The following IQSEC1 variants were observed in gnomAD, a reference collection of about 807,000 sequenced individuals.
IQSEC1 encodes IQ motif and Sec7 domain ArfGEF 1, also known as IQ motif and SEC7 domain-containing protein 1.
Under a neutral mutation model 91.0 loss-of-function variants are expected in IQSEC1, and 31 were observed. The observed-to-expected ratio is 0.34, with a 90% CI of 0.26 to 0.46. The LOEUF (loss-of-function observed/expected upper bound fraction) is 0.46. IQSEC1 is among the 20% of genes least tolerant of loss of function. IQSEC1 has a pLI of 1.00. For missense variants in IQSEC1, 1,388 were observed against 1,575.6 expected (o/e 0.88, Z 2.02); for synonymous variants, 699 against 662.6 (o/e 1.05, Z -0.84).
intron 9 of IQSEC1, among the ~76,000 whole-genome samples, chr3:12,912,884 T>A (rs1358178842): frequency 6.6e-6 from 1 of 152,200 alleles, no homozygotes; most frequent in Non-Finnish European, 1.5e-5. Context: ...TTTCCTTCAG[T>A]CCATAGGTCT....
At chr3:12,953,796 T>C (rs1699722683) in intron 1 of IQSEC1, among the ~76,000 whole-genome samples, 3 of 152,232 alleles carry the variant, frequency 2.0e-5, no homozygotes, top group Admixed American at 6.5e-5. Context: ...AGTAACATTA[T>C]GGGCTAGAGT....
At chr3:12,920,129 A>G (rs1032860973) in intron 6 of IQSEC1, among the ~76,000 whole-genome samples, 1 of 152,264 alleles carries the variant, frequency 6.6e-6, no homozygotes, top group Non-Finnish European at 1.5e-5. Flanking sequence ...ACACAAAGAA[A>G]AAGGCCAGTT....
intron 2 of IQSEC1, among the ~76,000 whole-genome samples, chr3:12,937,247 A>C (rs1698285812): frequency 6.6e-6 from 1 of 152,210 alleles, no homozygotes; most frequent in Non-Finnish European, 1.5e-5. Flanking sequence ...AAACTTTAAA[A>C]GGCAGTGAGA....
chr3:13,180,566 G>A lies in IQSEC1; in HGVS notation c.273-16433C>T, dbSNP rs993525091. 9.9e-5 allele frequency among the ~76,000 whole-genome samples: 15 copies of A among 152,086 alleles called. No individual in the cohort carries two copies. The East Asian group carries it at 1.7e-3, about 18-fold the overall frequency. On this transcript the variant is annotated intron_variant, in intron 1 of 15. Transcript: ENST00000648114. ...CTGCCCGAGCCAGCAGTGGCAACCC[G>A]CTGGGGTCCCCTTCCACACTGTGGA...
At chr3:13,049,941 C>T (rs1328925547) in intron 1 of IQSEC1, among the ~76,000 whole-genome samples, 1 of 152,198 alleles carries the variant, frequency 6.6e-6, no homozygotes, top group Non-Finnish European at 1.5e-5. Context: ...AGACGGGAAA[C>T]TGTCAGGTGG....
rs76358897 is a variant in IQSEC1, at chr3:12,916,037, G to A, written c.2021-304C>T. Among the ~76,000 whole-genome samples the A allele has an allele frequency of 1.1e-4, 17 of 152,298 alleles. No homozygotes were observed. In the East Asian group the frequency reaches 2.5e-3, roughly 22 times the overall value. ...TGCTCCATGCTAACCACAGCCCTTC[G>A]AAGTGGGTATAATCATCTCCATTCC... On this transcript the variant is annotated intron_variant, in intron 6 of 13. Coordinates refer to ENST00000613206, the MANE Select transcript of IQSEC1 (RefSeq NM_001134382.3).
chr3:12,969,603 GCT>G (rs1700796987), intron 1 of IQSEC1, among the ~76,000 whole-genome samples: 1 of 152,182 alleles, frequency 6.6e-6, no homozygotes. Context: ...TGTCTGAAGT[GCT>G]CTCTAAAAAT....
At chr3:13,007,663 C>G (rs1461637638) in intron 1 of IQSEC1, among the ~76,000 whole-genome samples, 1 of 152,212 alleles carries the variant, frequency 6.6e-6, no homozygotes, top group East Asian at 1.9e-4. Flanking sequence ...AGCTTATCAC[C>G]CATTTCGCAC....
chr3:13,134,950 C>T (rs1300782716), intron 2 of IQSEC1, among the ~76,000 whole-genome samples: 1 of 152,124 alleles, frequency 6.6e-6, no homozygotes, highest in Admixed American at 6.5e-5. Context: ...CTACACTCTG[C>T]AAGGGGGATC....
chr3:12,930,680 C>T (rs1157819270), intron 3 of IQSEC1, among the ~76,000 whole-genome samples: 3 of 152,152 alleles, frequency 2.0e-5, no homozygotes, highest in African/African-American at 4.8e-5. Flanking sequence ...AAGAAATACC[C>T]GGGACTTTTC....
At chr3:12,913,684 C>T (rs1480046300) in intron 8 of IQSEC1, 131 bp from the exon 9 acceptor site, 3 of 787,210 alleles carry the variant, frequency 3.8e-6, no homozygotes, top group Non-Finnish European at 5.8e-6. Flanking sequence ...AAATGCCTTC[C>T]CTCACAGACA....
chr3:12,942,903 G>A (rs937983861), intron 1 of IQSEC1, among the ~76,000 whole-genome samples: 17 of 152,238 alleles, frequency 1.1e-4, no homozygotes, highest in Non-Finnish European at 2.1e-4. Flanking sequence ...GCAGGCCAAG[G>A]AGAGGGGCCA....
At chr3:13,210,549 C>T (rs1190575289) in intron 1 of IQSEC1, among the ~76,000 whole-genome samples, 3 of 152,270 alleles carry the variant, frequency 2.0e-5, no homozygotes, top group South Asian at 2.1e-4. Context: ...CGTGTCCATG[C>T]GGCTTAACCC....
intron 1 of IQSEC1, among the ~76,000 whole-genome samples, chr3:12,947,634 G>C (rs1306910524): frequency 7.2e-5 from 11 of 152,318 alleles, no homozygotes. Context: ...CATGAGATGA[G>C]TTCTGTATGT....
At chr3:12,921,560 C>T (rs957002731) in intron 5 of IQSEC1, among the ~76,000 whole-genome samples, 1 of 152,230 alleles carries the variant, frequency 6.6e-6, no homozygotes, top group Non-Finnish European at 1.5e-5. Flanking sequence ...GTCATTTCAT[C>T]CTTGCACCTC....
chr3:12,995,149 C>T (rs974294333), intron 1 of IQSEC1: 1 of 152,224 alleles, frequency 6.6e-6, no homozygotes, highest in Non-Finnish European at 1.5e-5. Flanking sequence ...CCCCTGGTGC[C>T]CGGAGGCGGC....
intron 2 of IQSEC1, among the ~76,000 whole-genome samples, chr3:13,083,151 A>T (rs1307750458): frequency 6.6e-6 from 1 of 152,236 alleles, no homozygotes; most frequent in African/African-American, 2.4e-5. Context: ...GTGCCTGATA[A>T]CTTGCAGGTG....
intron 1 of IQSEC1, among the ~76,000 whole-genome samples, chr3:13,264,344 G>C (rs535941612): frequency 6.6e-5 from 10 of 152,324 alleles, no homozygotes; most frequent in Admixed American, 1.3e-4. Flanking sequence ...ATGCCCACCG[G>C]AGGCCGAGGG....
rs111670419 is a variant in IQSEC1 at position 13,123,608 on chromosome 3, G to A, written c.302+40496C>T. Among the ~76,000 whole-genome samples the A allele has an allele frequency of 8.0e-3, 1,225 of 152,364 alleles. 26 individuals carry two copies. The highest frequency in any genetic ancestry group is 0.028 in the African/African-American group (1,179 of 41,586). On this transcript the variant is annotated intron_variant, in intron 2 of 15. Coordinates refer to the IQSEC1 transcript ENST00000648114. ...AACTTTAGGTACCCAAGTGCCACCA[G>A]CCAGCCTTTGTCAGGTACAAGGCCA...
Sources: allele counts gnomAD v4.1 joint callset (sites outside exome capture counted in the v4.1 genomes callset), GRCh38; gene constraint gnomAD v4.1.1; transcripts MANE v1.5; gene names NCBI Gene and HGNC (gene_info 2026-07-23, HGNC 2026-07-21).